The following NRG1 variants were observed in gnomAD, a reference collection of about 807,000 sequenced individuals.
NRG1 encodes pro-neuregulin-1, membrane-bound isoform.
NRG1 carries 18 observed loss-of-function variants against 63.8 expected under a neutral mutation model. That is an observed-to-expected ratio of 0.28 (90% CI 0.19 to 0.42). The LOEUF is 0.42. NRG1 is among the 10% of genes least tolerant of loss of function. The pLI is 1.00. For synonymous variants in NRG1, 302 were observed against 301.3 expected, an observed-to-expected ratio of 1.00 and a Z score of -0.02; for missense variants, 762 against 814.7, an observed-to-expected ratio of 0.94 and a Z score of 0.79.
intron 1 of NRG1, among the ~76,000 whole-genome samples, chr8:32,364,075 C>CT (rs932903875): frequency 0.3 from 19,999 of 66,012 alleles, 3,382 homozygotes; most frequent in African/African-American, 0.37. Context: ...TCTGACTAGT[C>CT]TTTTTTTTTT....
chr8:32,707,744 G>A (rs1011766415), intron 5 of NRG1, among the ~76,000 whole-genome samples: 4 of 151,364 alleles, frequency 2.6e-5, no homozygotes, highest in Non-Finnish European at 2.9e-5. Context: ...TTTTCAGAAG[G>A]AATGTACTTA....
intron 1 of NRG1, among the ~76,000 whole-genome samples, chr8:32,245,392 T>G (rs1188259593): frequency 6.6e-6 from 1 of 152,158 alleles, no homozygotes; most frequent in East Asian, 1.9e-4. Context: ...ATTAACAATT[T>G]GGGCAAGATA....
intron 1 of NRG1, among the ~76,000 whole-genome samples, chr8:32,487,124 T>A: frequency 6.7e-6 from 1 of 148,630 alleles, no homozygotes; most frequent in African/African-American, 2.5e-5. Context: ...ATCTCATCTT[T>A]TAAATTTCTG....
chr8:31,660,152 A>C (rs1328012303), intron 1 of NRG1, among the ~76,000 whole-genome samples: 10 of 152,216 alleles, frequency 6.6e-5, no homozygotes, highest in African/African-American at 2.4e-4. Context: ...AAATAATAAA[A>C]GTAACAGGAT....
intron 1 of NRG1, among the ~76,000 whole-genome samples, chr8:32,591,974 C>G (rs533886369): frequency 6.6e-6 from 1 of 152,122 alleles, no homozygotes; most frequent in African/African-American, 2.4e-5. Flanking sequence ...GAAAAAAGAA[C>G]AGACTAATGC....
chr8:32,603,490 T>C (rs1405873937), intron 2 of NRG1, among the ~76,000 whole-genome samples: 1 of 152,180 alleles, frequency 6.6e-6, no homozygotes, highest in East Asian at 1.9e-4. Context: ...TTCTTTTTCT[T>C]TTTCTTTGAC....
intron 1 of NRG1, among the ~76,000 whole-genome samples, chr8:32,421,380 T>C (rs765040402): frequency 6.6e-5 from 10 of 152,306 alleles, no homozygotes; most frequent in Middle Eastern, 3.4e-3. Context: ...ATACCATTTG[T>C]AGGTTCTGGC....
At chr8:32,603,551 C>T (rs927224440) in intron 2 of NRG1, among the ~76,000 whole-genome samples, 1 of 151,964 alleles carries the variant, frequency 6.6e-6, no homozygotes, top group Non-Finnish European at 1.5e-5. Flanking sequence ...GGTCTCGGCT[C>T]ACTGCAACCT....
At chr8:32,138,773 G>A (rs1213789097) in intron 1 of NRG1, among the ~76,000 whole-genome samples, 4 of 151,836 alleles carry the variant, frequency 2.6e-5, no homozygotes, top group Non-Finnish European at 4.4e-5. Context: ...TCACCATATT[G>A]GCCAGGCTGT....
At chr8:31,847,206 A>T (rs549852044) in intron 1 of NRG1, among the ~76,000 whole-genome samples, 2 of 152,196 alleles carry the variant, frequency 1.3e-5, no homozygotes, top group Non-Finnish European at 2.9e-5. Context: ...GTTTTTCAAG[A>T]TTATTTTTAA....
intron 1 of NRG1, among the ~76,000 whole-genome samples, chr8:31,966,221 A>G (rs926670602): frequency 2.3e-5 from 3 of 128,642 alleles, no homozygotes; most frequent in Non-Finnish European, 4.9e-5. Flanking sequence ...TTTGTAACTT[A>G]TGGTCAATCT....
intron 5 of NRG1, among the ~76,000 whole-genome samples, chr8:32,652,878 A>G (rs577046067): frequency 2.0e-5 from 3 of 151,954 alleles, no homozygotes; most frequent in Non-Finnish European, 4.4e-5. Flanking sequence ...CCTTTTAACA[A>G]CTCTTCATAG....
At chr8:32,403,624 A>G (rs1813538899) in intron 1 of NRG1, among the ~76,000 whole-genome samples, 1 of 152,280 alleles carries the variant, frequency 6.6e-6, no homozygotes, top group South Asian at 2.1e-4. Flanking sequence ...TTATACGCTC[A>G]TGTTTCAAAA....
intron 1 of NRG1, among the ~76,000 whole-genome samples, chr8:32,537,156 A>C (rs1212689327): frequency 4.7e-5 from 6 of 128,406 alleles, no homozygotes; most frequent in African/African-American, 1.8e-4. Context: ...AGATCGCGCC[A>C]CTGCATTCCA....
chr8:32,517,361 T>C (rs1195247987), intron 1 of NRG1, among the ~76,000 whole-genome samples: 2 of 152,108 alleles, frequency 1.3e-5, no homozygotes, highest in African/African-American at 4.8e-5. Flanking sequence ...TAGATTCATA[T>C]CTCCTGTTAA....
At chr8:32,130,659 G>A (rs1834697790) in intron 1 of NRG1, among the ~76,000 whole-genome samples, 1 of 151,904 alleles carries the variant, frequency 6.6e-6, no homozygotes, top group South Asian at 2.1e-4. Context: ...ACATTTTAGA[G>A]GATGTGAATG....
At chr8:32,027,466 T>C (rs7812310) in intron 1 of NRG1, among the ~76,000 whole-genome samples, 51,650 of 60,626 alleles carry the variant, frequency 0.85, 23,343 homozygotes, top group Non-Finnish European at 0.97. Flanking sequence ...CCTTCCTTCC[T>C]TCCCTCCCTC....
At position 31,712,036 on chromosome 8, in the gene NRG1, CT is replaced by C. The variant is rs1471221801; in HGVS notation, c.37+72608del. Among the ~76,000 whole-genome samples, 3 of 152,094 alleles carry C rather than the reference CT, an allele frequency of 2.0e-5. 1 individual carries two copies. Among genetic ancestry groups the C allele is most frequent in the South Asian group, 4.1e-4 (2 of 4,824 alleles). ...ACTCCAAATACGTTTGTTGTATCTA[CT>C]TTGCCTGTCTTCTGTATCCGTCATC... On this transcript the variant is annotated intron_variant, in intron 1 of 10. Coordinates refer to the NRG1 transcript ENST00000519301.
At chr8:32,749,248 A>G (rs1276043176) in intron 7 of NRG1, 1 of 359,562 alleles carries the variant, frequency 2.8e-6, no homozygotes, top group Non-Finnish European at 5.0e-6. Context: ...TAATCTTTCC[A>G]TTCCCACACA....
Sources: allele counts gnomAD v4.1 joint callset (sites outside exome capture counted in the v4.1 genomes callset), GRCh38; gene constraint gnomAD v4.1.1; transcripts MANE v1.5; gene names NCBI Gene and HGNC (gene_info 2026-07-23, HGNC 2026-07-21).